ACKR5: variants seen among roughly 807,000 people sequenced by gnomAD.
ACKR5 encodes the protein G protein-coupled receptor 182.
the ACKR5 span, chr12:56,995,804 G>A: frequency 6.2e-7 from 1 of 1,614,124 alleles, no homozygotes; most frequent in Non-Finnish European, 8.5e-7. The surrounding 1 kb of genome is among the most constrained non-coding windows in gnomAD (Gnocchi z 4.7). Context: ...GGAGGGCCCT[G>A]AGCCCATGTG....
At chr12:56,997,511 G>A in the ACKR5 span, 1 of 152,200 alleles carries the variant, frequency 6.6e-6, no homozygotes. Flanking sequence ...CTTAACACTT[G>A]TTCTACAGAT....
chr12:56,997,660 G>A, the ACKR5 span: 1 of 152,152 alleles, frequency 6.6e-6, no homozygotes, highest in Non-Finnish European at 1.5e-5. Flanking sequence ...CCAATTCCAC[G>A]TCCTTTGCCT....
chr12:56,997,316 T>C, the ACKR5 span: 2 of 152,234 alleles, frequency 1.3e-5, no homozygotes, highest in African/African-American at 2.4e-5. Flanking sequence ...GGAGCAGCCC[T>C]TGGGACAGCC....
At chr12:56,998,218 T>C in the ACKR5 span, 1 of 152,158 alleles carries the variant, frequency 6.6e-6, no homozygotes, top group African/African-American at 2.4e-5. Context: ...GCTCCCAAGA[T>C]TAGTTATCAC....
chr12:56,997,601 T>C, the ACKR5 span: 1 of 152,230 alleles, frequency 6.6e-6, no homozygotes, highest in Non-Finnish European at 1.5e-5. Context: ...ACCCTGTCCA[T>C]GAAGAACTCT....
the ACKR5 span, chr12:56,995,454 C>T: frequency 6.2e-7 from 1 of 1,614,222 alleles, no homozygotes. This position sits in a 1 kb window ranked among gnomAD's most constrained non-coding sequence, Gnocchi z 4.7. Flanking sequence ...TGGCGCGGCT[C>T]AGGCCGGGCA....
the ACKR5 span, among the ~76,000 whole-genome samples, chr12:56,998,595 G>A: frequency 3.3e-5 from 5 of 152,314 alleles, no homozygotes; most frequent in East Asian, 9.6e-4. Context: ...CTCTCTCTGG[G>A]CTGACGGAGG....
chr12:56,995,650 C>A, the ACKR5 span: 1 of 1,614,096 alleles, frequency 6.2e-7, no homozygotes, highest in Non-Finnish European at 8.5e-7. The surrounding 1 kb of genome is among the most constrained non-coding windows in gnomAD (Gnocchi z 4.7). Flanking sequence ...TGGTGTGCCT[C>A]AGTGTCGACC....
the ACKR5 span, chr12:56,996,455 GA>G: frequency 3.3e-6 from 5 of 1,535,090 alleles, no homozygotes; most frequent in East Asian, 2.3e-5. Context: ...AACAGTGAAG[GA>G]AAAGGCACAG....
chr12:56,995,050 TCA>T, the ACKR5 span: 14 of 656,274 alleles, frequency 2.1e-5, no homozygotes. The surrounding 1 kb of genome is among the most constrained non-coding windows in gnomAD (Gnocchi z 4.7). Context: ...TATTATTTAT[TCA>T]CAGTTTGAAA....
At chr12:56,995,752 G>C in the ACKR5 span, 15 of 1,613,872 alleles carry the variant, frequency 9.3e-6, no homozygotes, top group Non-Finnish European at 1.3e-5. This position sits in a 1 kb window ranked among gnomAD's most constrained non-coding sequence, Gnocchi z 4.7. Flanking sequence ...GGGTCCTCTC[G>C]GCCATCATCC....
the ACKR5 span, chr12:56,996,611 CTAT>C: frequency 5.3e-6 from 3 of 561,732 alleles, no homozygotes; most frequent in South Asian, 6.1e-5. Context: ...CAGTGTTGTA[CTAT>C]TTGTCTCGGT....
the ACKR5 span, chr12:56,996,700 A>ATGATACGGCGACCACCG: frequency 2.7e-5 from 10 of 368,946 alleles, no homozygotes; most frequent in South Asian, 7.9e-5. Context: ...GGATCTTTTA[A>ATGATACGGCGACCACCG]AAATCTGCAC....
the ACKR5 span, chr12:56,995,161 C>T: frequency 6.4e-7 from 1 of 1,560,694 alleles, no homozygotes; most frequent in African/African-American, 1.4e-5. The surrounding 1 kb of genome is among the most constrained non-coding windows in gnomAD (Gnocchi z 4.7). Flanking sequence ...TCGAGGTCTG[C>T]TTTCCCTTCC....
chr12:56,996,734 G>C, the ACKR5 span: 11 of 314,006 alleles, frequency 3.5e-5, no homozygotes, highest in Admixed American at 4.1e-4. Context: ...TGGGAAGGGA[G>C]CTGAGGCTAA....
At chr12:56,995,782 C>T in the ACKR5 span, 8 of 1,614,160 alleles carry the variant, frequency 5.0e-6, no homozygotes, top group Admixed American at 1.7e-5. This position sits in a 1 kb window ranked among gnomAD's most constrained non-coding sequence, Gnocchi z 4.7. Context: ...AGGTGGTCCA[C>T]ATCCAGCTGG....
chr12:56,996,526 T>C, the ACKR5 span: 4 of 1,040,652 alleles, frequency 3.8e-6, no homozygotes, highest in Non-Finnish European at 2.8e-6. Context: ...GCACTCGTGG[T>C]CAATTTTGAA....
At chr12:56,995,093 G>A in the ACKR5 span, 2 of 870,544 alleles carry the variant, frequency 2.3e-6, no homozygotes, top group South Asian at 3.3e-5. The surrounding 1 kb of genome is among the most constrained non-coding windows in gnomAD (Gnocchi z 4.7). Flanking sequence ...CTTAGCCCCA[G>A]AATCTTTCCC....
chr12:56,995,327 TTGTC>T, the ACKR5 span: 10 of 1,614,164 alleles, frequency 6.2e-6, no homozygotes, highest in South Asian at 7.7e-5. This position sits in a 1 kb window ranked among gnomAD's most constrained non-coding sequence, Gnocchi z 4.7. Context: ...CAACCACACT[TTGTC>T]TGAGTGCCAC....
Sources: gnomAD v4.1 joint callset for allele counts (sites outside exome capture counted in the v4.1 genomes callset) on GRCh38, gnomAD v4.1.1 for gene constraint, Gnocchi (gnomAD v3.1) non-coding constraint, MANE v1.5 for transcripts, NCBI Gene and HGNC (gene_info 2026-07-23, HGNC 2026-07-21) for gene names.